Variants in DPP6 observed in about 807,000 individuals in gnomAD.
DPP6 encodes the protein A-type potassium channel modulatory protein DPP6.
In DPP6, 69 loss-of-function variants were observed where a neutral mutation model predicts 122.6. That is an observed-to-expected ratio of 0.56 (90% CI 0.46 to 0.69). The LOEUF (loss-of-function observed/expected upper bound fraction) is 0.69, where lower values mean the gene tolerates loss of function less well. Ranked by LOEUF, DPP6 falls within the 30% of genes least tolerant of loss-of-function variation. DPP6 has a pLI of 0.00. For synonymous variants in DPP6, 418 were observed against 433.1 expected (o/e 0.97, Z 0.43); for missense variants, 928 against 1,116.9 (o/e 0.83, Z 2.41).
chr7:154,871,080 C>T (rs745699145), intron 18 of DPP6, among the ~76,000 whole-genome samples: 1 of 152,114 alleles, frequency 6.6e-6, no homozygotes, highest in African/African-American at 2.4e-5. Flanking sequence ...GCAGCCTTGG[C>T]GGCCAGACTG....
At chr7:154,790,781 C>A (rs1426665652) in intron 10 of DPP6, among the ~76,000 whole-genome samples, 2 of 128,366 alleles carry the variant, frequency 1.6e-5, no homozygotes, top group African/African-American at 5.9e-5. Context: ...GCAACAGCCT[C>A]ATATTACAAA....
At chr7:154,262,338 A>T (rs1803082085) in intron 1 of DPP6, among the ~76,000 whole-genome samples, 2 of 152,162 alleles carry the variant, frequency 1.3e-5, no homozygotes, top group African/African-American at 4.8e-5. Flanking sequence ...TTAGGTTAAA[A>T]TGAGGCCATA....
chr7:154,717,772 A>G (rs1841573005), intron 7 of DPP6, among the ~76,000 whole-genome samples: 1 of 152,190 alleles, frequency 6.6e-6, no homozygotes, highest in Non-Finnish European at 1.5e-5. Flanking sequence ...ATACAACCAT[A>G]TGATTGCTGG....
intron 1 of DPP6, among the ~76,000 whole-genome samples, chr7:154,156,039 G>A (rs1207049517): frequency 6.6e-6 from 1 of 152,244 alleles, no homozygotes; most frequent in African/African-American, 2.4e-5. Flanking sequence ...AGAGCCATCT[G>A]AGCAGGACCC....
intron 1 of DPP6, among the ~76,000 whole-genome samples, chr7:154,361,603 CAAA>C (rs34342809): frequency 5.3e-4 from 31 of 57,974 alleles, no homozygotes; most frequent in African/African-American, 1.0e-3. Flanking sequence ...AATTGCTAGC[CAAA>C]AAAAAAAAAA....
At chr7:154,044,925 A>G (rs1294274416) in intron 1 of DPP6, among the ~76,000 whole-genome samples, 2 of 152,060 alleles carry the variant, frequency 1.3e-5, no homozygotes, top group African/African-American at 4.8e-5. Flanking sequence ...GCAGTTCTGC[A>G]GAGTTCTTCT....
intron 10 of DPP6, among the ~76,000 whole-genome samples, chr7:154,788,315 A>G (rs1202473039): frequency 2.6e-5 from 4 of 152,034 alleles, no homozygotes; most frequent in African/African-American, 9.7e-5. Flanking sequence ...GTGGTGGCGC[A>G]CACCTGTAAT....
intron 5 of DPP6, among the ~76,000 whole-genome samples, chr7:154,631,757 G>A (rs539192574): frequency 2.4e-4 from 37 of 152,108 alleles, no homozygotes; most frequent in Non-Finnish European, 5.0e-4. Context: ...TTCAATGAGG[G>A]AGATTTGAGT....
intron 1 of DPP6, among the ~76,000 whole-genome samples, chr7:154,339,221 A>G (rs1043405114): frequency 6.6e-6 from 1 of 152,238 alleles, no homozygotes; most frequent in African/African-American, 2.4e-5. Context: ...AGTGCGTGCA[A>G]TGCATTGCAA....
intron 3 of DPP6, among the ~76,000 whole-genome samples, chr7:154,516,185 A>T (rs1384010605): frequency 6.6e-6 from 1 of 151,818 alleles, no homozygotes; most frequent in Non-Finnish European, 1.5e-5. Context: ...ACTGCTCCAT[A>T]GCCTGACTTC....
chr7:154,139,582 A>G (rs1213884779), intron 1 of DPP6, among the ~76,000 whole-genome samples: 2 of 151,910 alleles, frequency 1.3e-5, no homozygotes, highest in Non-Finnish European at 2.9e-5. Context: ...GGTTAATAAA[A>G]TTAGCCATCG....
chr7:154,212,120 G>A (rs570168143), intron 1 of DPP6, among the ~76,000 whole-genome samples: 1 of 152,212 alleles, frequency 6.6e-6, no homozygotes, highest in East Asian at 1.9e-4. Context: ...CTGGACAATC[G>A]AGTATGAAAC....
intron 1 of DPP6, among the ~76,000 whole-genome samples, chr7:154,283,576 T>G (rs971445749): frequency 6.6e-6 from 1 of 151,738 alleles, no homozygotes; most frequent in African/African-American, 2.4e-5. Flanking sequence ...TTTGAGAAAC[T>G]TACTCTTTAT....
chr7:154,252,991 C>T (rs1030204007), intron 1 of DPP6, among the ~76,000 whole-genome samples: 2 of 152,084 alleles, frequency 1.3e-5, no homozygotes, highest in African/African-American at 4.8e-5. Context: ...GAAGATAATG[C>T]AAGGAATATT....
chr7:154,324,967 T>C (rs867487183), intron 1 of DPP6, among the ~76,000 whole-genome samples: 12 of 149,386 alleles, frequency 8.0e-5, no homozygotes, highest in African/African-American at 1.7e-4. Flanking sequence ...TTGAAGCGGT[T>C]CTCCTGCCTC....
At chr7:153,923,533 G>A (rs1412041795) in intron 1 of DPP6, among the ~76,000 whole-genome samples, 13 of 151,974 alleles carry the variant, frequency 8.6e-5, no homozygotes, top group African/African-American at 1.2e-4. Flanking sequence ...AGGCCAAGGC[G>A]GGCAGATCAT....
At chr7:154,307,080 T>C (rs1806413548) in intron 1 of DPP6, among the ~76,000 whole-genome samples, 2 of 152,136 alleles carry the variant, frequency 1.3e-5, no homozygotes, top group African/African-American at 4.8e-5. Flanking sequence ...AGTGCATTGC[T>C]GTTCATAGGT....
chr7:153,773,862 C>CA, the DPP6 span, among the ~76,000 whole-genome samples: 8,114 of 90,594 alleles, frequency 0.09, 310 homozygotes, highest in African/African-American at 0.14. Flanking sequence ...GCAACAAAGA[C>CA]AAAAAAAAAA....
chr7:154,244,680 CAAATT>C (rs1463078873), intron 1 of DPP6, among the ~76,000 whole-genome samples: 2 of 151,084 alleles, frequency 1.3e-5, no homozygotes, highest in Non-Finnish European at 2.9e-5. Context: ...CCTAGAGTAA[CAAATT>C]AAAAAATAAT....
Sources: gnomAD v4.1 joint callset for allele counts (sites outside exome capture counted in the v4.1 genomes callset) on GRCh38, gnomAD v4.1.1 for gene constraint, MANE v1.5 for transcripts, NCBI Gene and HGNC (gene_info 2026-07-23, HGNC 2026-07-21) for gene names.